Variants in ENTREP1 observed in about 807,000 individuals in gnomAD.
The protein encoded by ENTREP1 is Friedreich ataxia region gene X123.
the ENTREP1 span, among the ~76,000 whole-genome samples, chr9:69,353,412 G>T: frequency 6.6e-6 from 1 of 152,212 alleles, no homozygotes; most frequent in Non-Finnish European, 1.5e-5. Flanking sequence ...CACATTTGCT[G>T]TCTCTACATA....
chr9:69,333,101 TGTGA>T, the ENTREP1 span, among the ~76,000 whole-genome samples: 1 of 152,140 alleles, frequency 6.6e-6, no homozygotes, highest in African/African-American at 2.4e-5. Context: ...ATTACATCCC[TGTGA>T]GTGTGTATAT....
At chr9:69,356,960 T>C in the ENTREP1 span, among the ~76,000 whole-genome samples, 1 of 152,082 alleles carries the variant, frequency 6.6e-6, no homozygotes. Flanking sequence ...GCTTGGCTTA[T>C]AAGAAATCAC....
chr9:69,376,196 A>G, the ENTREP1 span, among the ~76,000 whole-genome samples: 1 of 152,182 alleles, frequency 6.6e-6, no homozygotes, highest in Non-Finnish European at 1.5e-5. Context: ...ATACCTACAC[A>G]CACATATACG....
the ENTREP1 span, among the ~76,000 whole-genome samples, chr9:69,363,349 G>T: frequency 1.3e-5 from 2 of 152,072 alleles, no homozygotes; most frequent in African/African-American, 2.4e-5. Flanking sequence ...TTTGAAATGA[G>T]AACAATAGGA....
At chr9:69,336,392 G>A in the ENTREP1 span, 1 of 594,094 alleles carries the variant, frequency 1.7e-6, no homozygotes, top group Non-Finnish European at 3.0e-6. Flanking sequence ...GTTAACAATA[G>A]ATAATATTAG....
chr9:69,352,285 A>G, the ENTREP1 span, among the ~76,000 whole-genome samples: 1 of 151,968 alleles, frequency 6.6e-6, no homozygotes, highest in African/African-American at 2.4e-5. Flanking sequence ...CACCCGGCTG[A>G]TTTTTGTATT....
chr9:69,348,167 T>G, the ENTREP1 span, among the ~76,000 whole-genome samples: 89 of 152,280 alleles, frequency 5.8e-4, no homozygotes, highest in Middle Eastern at 3.4e-3. Context: ...CAGGCTGGAG[T>G]GCAGTGGCGC....
the ENTREP1 span, among the ~76,000 whole-genome samples, chr9:69,327,597 A>G: frequency 1.3e-5 from 2 of 150,686 alleles, no homozygotes; most frequent in South Asian, 2.1e-4. Flanking sequence ...CGGTCAAGCC[A>G]CAGTTGAATT....
At chr9:69,391,656 GA>G in the ENTREP1 span, 1 of 1,614,162 alleles carries the variant, frequency 6.2e-7, no homozygotes, top group Admixed American at 1.7e-5. Flanking sequence ...CCCTCGCGGA[GA>G]CAGCCTGGCC....
chr9:69,376,890 C>T, the ENTREP1 span, among the ~76,000 whole-genome samples: 132 of 152,286 alleles, frequency 8.7e-4, 2 homozygotes, highest in African/African-American at 2.9e-3. Context: ...CCTTCAGTGT[C>T]CTCGTCGTGT....
the ENTREP1 span, among the ~76,000 whole-genome samples, chr9:69,348,038 G>A: frequency 6.6e-6 from 1 of 152,264 alleles, no homozygotes; most frequent in South Asian, 2.1e-4. Flanking sequence ...TTTCTGAGAT[G>A]TTCTAAATGA....
chr9:69,360,793 C>CT, the ENTREP1 span, among the ~76,000 whole-genome samples: 86 of 152,100 alleles, frequency 5.7e-4, no homozygotes, highest in Non-Finnish European at 1.1e-3. Flanking sequence ...TCCATAGCTT[C>CT]TTTTTTTCCC....
chr9:69,333,767 T>C, the ENTREP1 span, among the ~76,000 whole-genome samples: 153 of 152,328 alleles, frequency 1.0e-3, 1 homozygote, highest in African/African-American at 3.2e-3. Context: ...CAGTTGAATA[T>C]GAAGTTATGT....
the ENTREP1 span, among the ~76,000 whole-genome samples, chr9:69,353,848 G>A: frequency 6.6e-6 from 1 of 152,056 alleles, no homozygotes. Context: ...ACTCCAATTG[G>A]CTTATATGTT....
At chr9:69,377,251 A>G in the ENTREP1 span, 2 of 718,404 alleles carry the variant, frequency 2.8e-6, no homozygotes, top group Admixed American at 2.1e-5. Context: ...CTTTACATGC[A>G]TCCTCTCCTG....
the ENTREP1 span, among the ~76,000 whole-genome samples, chr9:69,390,739 A>G: frequency 6.6e-6 from 1 of 152,148 alleles, no homozygotes; most frequent in Non-Finnish European, 1.5e-5. Context: ...TCCTGGGCTC[A>G]GGTGATCCTC....
chr9:69,325,044 A>G, the ENTREP1 span: 35 of 985,350 alleles, frequency 3.6e-5, no homozygotes, highest in Non-Finnish European at 4.0e-5. Context: ...CAGCGCGAGC[A>G]CGGAGTGCGC....
At chr9:69,360,482 T>A in the ENTREP1 span, among the ~76,000 whole-genome samples, 8 of 152,316 alleles carry the variant, frequency 5.3e-5, no homozygotes. Context: ...TAAAATATTT[T>A]ATTTTTCTTC....
At chr9:69,387,895 C>T in the ENTREP1 span, 1 of 1,404,294 alleles carries the variant, frequency 7.1e-7, no homozygotes, top group Non-Finnish European at 9.5e-7. Context: ...GGATTCTCCT[C>T]TCCACCATCT....
Sources: gnomAD v4.1 joint callset for allele counts (sites outside exome capture counted in the v4.1 genomes callset) on GRCh38, gnomAD v4.1.1 for gene constraint, MANE v1.5 for transcripts, NCBI Gene and HGNC (gene_info 2026-07-23, HGNC 2026-07-21) for gene names.